The following DICER1 variants were observed in gnomAD, a reference collection of about 807,000 sequenced individuals.
The protein encoded by DICER1 is endoribonuclease Dicer.
Under a neutral mutation model 194.1 loss-of-function variants are expected in DICER1, and 43 were observed. The observed-to-expected ratio is 0.22, with a 90% CI of 0.17 to 0.29. The LOEUF (loss-of-function observed/expected upper bound fraction) is 0.29, where lower values mean the gene tolerates loss of function less well. Ranked by LOEUF, DICER1 falls within the 10% of genes least tolerant of loss-of-function variation. The pLI is 1.00. For missense variants in DICER1, 1,608 were observed against 2,317.0 expected (o/e 0.69, Z 6.28); for synonymous variants, 832 against 820.5 (o/e 1.01, Z -0.24).
chr14:95,155,995 A>T (rs1895832467), intron 1 of DICER1, among the ~76,000 whole-genome samples: 1 of 152,242 alleles, frequency 6.6e-6, no homozygotes, highest in Admixed American at 6.5e-5. Flanking sequence ...AAAGATATCA[A>T]TAATATTGAA....
rs1012755091 is a variant in DICER1, at chr14:95,089,244, T to A, written c.*1254A>T. 2 of 232,690 alleles carry A rather than the reference T, an allele frequency of 8.6e-6. No homozygotes were observed. The highest frequency in any genetic ancestry group is 4.4e-5 in the African/African-American group (2 of 45,230). 14.4% of individuals were successfully genotyped at this position (232,690 alleles called of 1,614,324 possible). Reference sequence around the variant, plus strand: ...TCCAAAGATGGAAATAATGAGCTAGTTTATCTAAATTAATGACCTAAATCA... The same window carrying A: ...TCCAAAGATGGAAATAATGAGCTAGATTATCTAAATTAATGACCTAAATCA... On this transcript the variant is annotated 3_prime_UTR_variant, in exon 27 of 27. Coordinates refer to ENST00000343455, the MANE Select transcript of DICER1 (RefSeq NM_177438.3).
At chr14:95,146,671 G>A (rs934898263) in intron 1 of DICER1, among the ~76,000 whole-genome samples, 1 of 152,132 alleles carries the variant, frequency 6.6e-6, no homozygotes, top group African/African-American at 2.4e-5. Context: ...GGCATGACTG[G>A]CCCAGCCACT....
chr14:95,149,183 T>C (rs1013349468), intron 1 of DICER1, among the ~76,000 whole-genome samples: 14 of 152,176 alleles, frequency 9.2e-5, no homozygotes, highest in African/African-American at 3.1e-4. Flanking sequence ...GCCACAATTT[T>C]CTCTTTGTCA....
At chr14:95,130,516 C>T (rs1893864230) in intron 4 of DICER1, among the ~76,000 whole-genome samples, 1 of 152,180 alleles carries the variant, frequency 6.6e-6, no homozygotes, top group South Asian at 2.1e-4. Flanking sequence ...AATCACAAAA[C>T]AATTCACACT....
chr14:95,106,231 A>C lies in DICER1; in HGVS notation c.2805-8T>G. On this transcript the variant is annotated splice_region_variant and splice_polypyrimidine_tract_variant and intron_variant, in intron 17 of 26. Transcript: ENST00000343455. Reference sequence around the variant, plus strand: ...TGATCAAAATTGCGATATCTAAAAAAGAAAAACAAAAAAACAATCAGTTGC... The same window carrying C: ...TGATCAAAATTGCGATATCTAAAAACGAAAAACAAAAAAACAATCAGTTGC... 1 of 1,609,700 alleles carries C rather than the reference A, an allele frequency of 6.2e-7. No homozygotes were observed.
At position 95,088,096 on chromosome 14, in the gene DICER1, G is replaced by A. The variant is rs1889485158; in HGVS notation, c.*2402C>T. On this transcript the variant is annotated 3_prime_UTR_variant, in exon 27 of 27. Coordinates refer to ENST00000343455, the MANE Select transcript of DICER1 (RefSeq NM_177438.3). ...AGGGGATCACAGAATGCTTCAAACTGTGAGTCAAATTAAAATCTACTATTT... is the reference window on the plus strand; with the variant it reads ...AGGGGATCACAGAATGCTTCAAACTATGAGTCAAATTAAAATCTACTATTT... 1 of 232,596 alleles carries A rather than the reference G, an allele frequency of 4.3e-6. No individual in the cohort carries two copies. 14.4% of individuals were successfully genotyped at this position (232,596 alleles called of 1,614,324 possible).
intron 24 of DICER1, among the ~76,000 whole-genome samples, chr14:95,091,772 G>T (rs1283702475): frequency 2.0e-5 from 3 of 152,130 alleles, no homozygotes; most frequent in African/African-American, 7.2e-5. Context: ...AGTACTAATT[G>T]GTCTGGTGCT....
intron 21 of DICER1, 110 bp downstream of exon 21, chr14:95,103,236 G>T: frequency 1.6e-6 from 2 of 1,247,734 alleles, no homozygotes; most frequent in Non-Finnish European, 2.3e-6. Context: ...GGCCGGTGTA[G>T]CAATTTCTGA....
At chr14:95,094,229 C>T (rs1231610965) in intron 23 of DICER1, 73 bp from the exon 24 acceptor site, 2 of 1,545,160 alleles carry the variant, frequency 1.3e-6, no homozygotes, top group Admixed American at 3.4e-5. Context: ...CAACTGATCC[C>T]CAAATCCGAA....
rs1007498385 is a variant in DICER1, at chr14:95,095,745, C to T, written c.5095+80G>A. ...GCATGAACACTGTACATGCATAGAT[C>T]ACTTTTACAAGGCCAACACGATGAG... On this transcript the variant is annotated intron_variant, in intron 23 of 26. Transcript: ENST00000343455. 10 of 1,455,564 alleles carry T rather than the reference C, an allele frequency of 6.9e-6. No homozygotes were observed. The African/African-American group carries it at 1.3e-4, about 18-fold the overall frequency. The allele number at this position is 1,455,564 out of a possible 1,614,324, so 90.2% of individuals were successfully genotyped here.
chr14:95,111,775 GAA>G (rs201679739), intron 13 of DICER1, among the ~76,000 whole-genome samples: 4 of 103,846 alleles, frequency 3.9e-5, no homozygotes, highest in African/African-American at 1.1e-4. Flanking sequence ...GCAGGATTGA[GAA>G]AAAAAAAAAA....
Position 95,107,867 on chromosome 14 carries a change from AT to A in DICER1, c.2650+12del, listed in dbSNP as rs1566776382. 6.2e-7 allele frequency: 1 copy of A among 1,609,392 alleles called. No individual in the cohort carries two copies. The highest frequency in any genetic ancestry group is 1.7e-5 in the Admixed American group (1 of 60,020). ...GTGTCTAGAGTTATCAAAGTAAGAG[AT>A]TTTTTTCTTACCAACATTAAGAGGT... On this transcript the variant is annotated intron_variant, in intron 16 of 26. Transcript: ENST00000343455.
intron 4 of DICER1, among the ~76,000 whole-genome samples, 163 bp downstream of exon 4, chr14:95,131,346 A>G (rs1023533791): frequency 1.3e-5 from 2 of 152,284 alleles, no homozygotes; most frequent in African/African-American, 4.8e-5. Context: ...TTAAGGTAAG[A>G]CTTACAGTAA....
At chr14:95,117,880 G>T in intron 8 of DICER1, 126 bp from the exon 9 acceptor site, 1 of 860,480 alleles carries the variant, frequency 1.2e-6, no homozygotes, top group Non-Finnish European at 1.8e-6. Flanking sequence ...AACGGTCTTG[G>T]TCCTTTTTTC....
Position 95,124,308 on chromosome 14 carries a change from C to T in DICER1, c.1264G>A (p.Glu422Lys), listed in dbSNP as rs1566802002. 6.2e-7 allele frequency: 1 copy of T among 1,613,824 alleles called. No homozygotes were observed. Among genetic ancestry groups the T allele is most frequent in the Non-Finnish European group, 8.5e-7 (1 of 1,179,832 alleles). ...WSDSEDDDED[E>K]EIEEKEKPET... The stretch of plus-strand genomic sequence containing the variant: ...GGCTTCTCTTTTTCTTCAATTTCTT[C>T]ATCCTCATCATCATCCTCAGAATCA... Residue 422 changes from glutamate to lysine, a missense_variant, in exon 8 of 27, where the codon GAA becomes AAA. Glu to Lys is a moderately conservative substitution (Grantham distance 56). Coordinates refer to ENST00000343455, the MANE Select transcript of DICER1 (RefSeq NM_177438.3). The surrounding 1 kb of genome is among the most constrained non-coding windows in gnomAD (Gnocchi z 4.5).
rs1895263187 is a variant in DICER1, at chr14:95,148,152, C to T, written c.-46+9078G>A. The stretch of plus-strand genomic sequence containing the variant: ...CCAAGCCCTCCCAGAGCAAACTGCC[C>T]TCCAGGAACCTCCATGTGTTCAACT... On this transcript the variant is annotated intron_variant, in intron 1 of 26. Transcript: ENST00000343455. 2.0e-5 allele frequency among the ~76,000 whole-genome samples: 3 copies of T among 152,198 alleles called. No individual in the cohort carries two copies. The South Asian group carries it at 6.2e-4, about 32-fold the overall frequency.
rs1312940503 is a variant in DICER1 at position 95,088,170 on chromosome 14, T to C, written c.*2328A>G. Reference sequence around the variant, plus strand: ...CTGAAGTTTGCTGTTGATAAAACATTTGAATGGTAGAAGGAAATTTGAACC... The same window carrying C: ...CTGAAGTTTGCTGTTGATAAAACATCTGAATGGTAGAAGGAAATTTGAACC... On this transcript the variant is annotated 3_prime_UTR_variant, in exon 27 of 27. Coordinates refer to ENST00000343455, the MANE Select transcript of DICER1 (RefSeq NM_177438.3). The C allele has an allele frequency of 1.7e-5, 4 of 232,628 alleles. No individual in the cohort carries two copies. The highest frequency in any genetic ancestry group is 4.4e-5 in the African/African-American group (2 of 45,266). 14.4% of individuals were successfully genotyped at this position (232,628 alleles called of 1,614,324 possible).
Position 95,130,211 on chromosome 14 carries a change from C to A in DICER1, c.439-19G>T. Reference sequence around the variant, plus strand: ...TGAGAACCTAAAATAAAATCAACATCAGTAAACAAACATAGCATTCACTGC... The same window carrying A: ...TGAGAACCTAAAATAAAATCAACATAAGTAAACAAACATAGCATTCACTGC... On this transcript the variant is annotated intron_variant, in intron 4 of 26. Transcript: ENST00000343455. 1 of 1,609,230 alleles carries A rather than the reference C, an allele frequency of 6.2e-7. No individual in the cohort carries two copies.
intron 21 of DICER1, 86 bp from the exon 22 acceptor site, chr14:95,100,021 T>A: frequency 6.9e-7 from 1 of 1,457,544 alleles, no homozygotes; most frequent in South Asian, 1.2e-5. Context: ...CTCAGTTAAA[T>A]GTTCTTAAAA....
Sources: allele counts gnomAD v4.1 joint callset (sites outside exome capture counted in the v4.1 genomes callset), GRCh38; gene constraint gnomAD v4.1.1; non-coding constraint Gnocchi (gnomAD v3.1); transcripts MANE v1.5; gene names NCBI Gene and HGNC (gene_info 2026-07-23, HGNC 2026-07-21).